COL23A1: variants seen among roughly 807,000 people sequenced by gnomAD.
COL23A1 encodes collagen alpha-1(XXIII) chain.
Under a neutral mutation model 99.3 loss-of-function variants are expected in COL23A1, and 97 were observed. The ratio of observed to expected loss-of-function variants is 0.98; its 90% CI spans 0.83 to 1.16. The LOEUF is 1.16. Among genes scored for constraint, COL23A1 ranks in the 50% most tolerant of loss-of-function variants. The pLI is 0.00. For missense variants in COL23A1, 762 were observed against 757.4 expected (o/e 1.01, Z -0.07); for synonymous variants, 320 against 308.2 (o/e 1.04, Z -0.40).
chr5:178,261,843 A>G, intron 10 of COL23A1, 95 bp from the exon 11 acceptor site: 2 of 1,081,586 alleles, frequency 1.8e-6, no homozygotes, highest in Non-Finnish European at 2.8e-6. Flanking sequence ...AGGTGACACC[A>G]ATCCCAGAGA....
chr5:178,346,179 T>C (rs889211925), intron 2 of COL23A1, among the ~76,000 whole-genome samples: 1 of 152,138 alleles, frequency 6.6e-6, no homozygotes, highest in Admixed American at 6.5e-5. Context: ...AAAGAAAAGC[T>C]ATGGGTTTAA....
intron 16 of COL23A1, among the ~76,000 whole-genome samples, chr5:178,253,062 T>A (rs11740467): frequency 6.6e-6 from 1 of 152,132 alleles, no homozygotes; most frequent in Non-Finnish European, 1.5e-5. Flanking sequence ...CTGCTGGGCC[T>A]AGGGAGTTCC....
chr5:178,269,497 A>G (rs1224298859), intron 6 of COL23A1, among the ~76,000 whole-genome samples: 36 of 102,288 alleles, frequency 3.5e-4, no homozygotes, highest in African/African-American at 1.4e-3. Context: ...CCACCCATCC[A>G]CCCATCCACC....
At chr5:178,327,739 C>T (rs910788491) in intron 2 of COL23A1, among the ~76,000 whole-genome samples, 3 of 152,120 alleles carry the variant, frequency 2.0e-5, no homozygotes, top group African/African-American at 7.2e-5. Flanking sequence ...ATGTGGCCCT[C>T]AGGACAGCAC....
At position 178,360,472 on chromosome 5, in the gene COL23A1, TG is replaced by T. The variant is rs548036824; in HGVS notation, c.362-53554del. On this transcript the variant is annotated intron_variant, in intron 2 of 28. Coordinates refer to ENST00000390654, the MANE Select transcript of COL23A1 (RefSeq NM_173465.4). Reference sequence around the variant, plus strand: ...CTGGGGAGCCAGGCTGGGCCTCATGTGGGGGGGGATGGAGGGCTGCAGTCGT... The same window carrying T: ...CTGGGGAGCCAGGCTGGGCCTCATGTGGGGGGGATGGAGGGCTGCAGTCGT... Among the ~76,000 whole-genome samples, 457 of 150,956 alleles carry T rather than the reference TG, an allele frequency of 3.0e-3. 2 individuals carry two copies. Among genetic ancestry groups the T allele is most frequent in the African/African-American group, 0.011 (431 of 40,852 alleles).
Position 178,316,063 on chromosome 5 carries a change from TAG to T in COL23A1, c.362-9146_362-9145del, listed in dbSNP as rs377056720. ...CTTCTGAAGCTGTGTGAAGAAAAGTTAGAGAGGTATTTGTTTAAGCAGTTTAA... is the reference window on the plus strand; with the variant it reads ...CTTCTGAAGCTGTGTGAAGAAAAGTTAGAGGTATTTGTTTAAGCAGTTTAA... On this transcript the variant is annotated intron_variant, in intron 2 of 28. Transcript: ENST00000390654. Among the ~76,000 whole-genome samples, 503 of 152,310 alleles carry T rather than the reference TAG, an allele frequency of 3.3e-3. 3 individuals carry two copies. Among genetic ancestry groups the T allele is most frequent in the African/African-American group, 0.011 (471 of 41,564 alleles).
chr5:178,293,913 C>T (rs917570763), intron 3 of COL23A1, among the ~76,000 whole-genome samples: 1 of 152,008 alleles, frequency 6.6e-6, no homozygotes, highest in Non-Finnish European at 1.5e-5. Flanking sequence ...GAGGAGGCCA[C>T]GGAGTCCAGA....
chr5:178,319,243 A>ATTCC (rs2127623416), intron 2 of COL23A1, among the ~76,000 whole-genome samples: 1 of 152,292 alleles, frequency 6.6e-6, no homozygotes, highest in African/African-American at 2.4e-5. Context: ...TCCTGTTGGA[A>ATTCC]AACAGGCTCC....
chr5:178,244,290 G>A (rs996354246), intron 25 of COL23A1, among the ~76,000 whole-genome samples: 1 of 152,024 alleles, frequency 6.6e-6, no homozygotes, highest in Non-Finnish European at 1.5e-5. Flanking sequence ...TGCCTGGCCG[G>A]TAATGTTCTC....
intron 2 of COL23A1, among the ~76,000 whole-genome samples, chr5:178,485,712 G>A (rs1003999173): frequency 5.4e-5 from 8 of 149,528 alleles, no homozygotes; most frequent in African/African-American, 2.0e-4. Flanking sequence ...AATCTGGGAG[G>A]TGGAGGTTGC....
rs1404344251 is a variant in COL23A1 at position 178,415,870 on chromosome 5, G to C, written c.362-108951C>G. On this transcript the variant is annotated intron_variant, in intron 2 of 28. Transcript: ENST00000390654. This position sits in a 1 kb window ranked among gnomAD's most constrained non-coding sequence, Gnocchi z 4.6. ...GGCAGGATAAGGGAGAGGAGGTACT[G>C]GGTGAGGCCAGGGAGGGCTTCCGAG... Among the ~76,000 whole-genome samples the C allele has an allele frequency of 6.6e-6, 1 of 152,172 alleles. No individual in the cohort carries two copies. Among genetic ancestry groups the C allele is most frequent in the African/African-American group, 2.4e-5 (1 of 41,438 alleles).
At chr5:178,378,072 G>A (rs1468514508) in intron 2 of COL23A1, 1 of 152,388 alleles carries the variant, frequency 6.6e-6, no homozygotes, top group Non-Finnish European at 1.5e-5. Flanking sequence ...CCTCCCAGGA[G>A]AAGGGGACCA....
chr5:178,258,974 T>G (rs1356359309), intron 12 of COL23A1, among the ~76,000 whole-genome samples: 6 of 148,944 alleles, frequency 4.0e-5, no homozygotes, highest in African/African-American at 1.5e-4. Flanking sequence ...TGGAGTGCAG[T>G]GGCGCAATCT....
chr5:178,372,902 TTCTTTTTCTTTCTTTC>T (rs910201854), intron 2 of COL23A1, among the ~76,000 whole-genome samples: 3 of 123,194 alleles, frequency 2.4e-5, no homozygotes, highest in African/African-American at 7.4e-5. Context: ...TCTCTTTCTT[TTCTTTTTCTTTCTTTC>T]TCTTTTTCTT....
chr5:178,247,842 TGA>T lies in COL23A1; in HGVS notation c.1213-13_1213-12del, dbSNP rs751818803. The T allele has an allele frequency of 1.2e-6, 2 of 1,609,450 alleles. No homozygotes were observed. The highest frequency in any genetic ancestry group is 1.7e-6 in the Non-Finnish European group (2 of 1,178,014). ...CACTATGAGCTGAGCCTAGGGAGGGTGAGAGACAGGTTAGTCACCCACCGCCT... is the reference window on the plus strand; with the variant it reads ...CACTATGAGCTGAGCCTAGGGAGGGTGAGACAGGTTAGTCACCCACCGCCT... On this transcript the variant is annotated splice_polypyrimidine_tract_variant and intron_variant, in intron 20 of 28. Transcript: ENST00000390654.
rs1226107895 is a variant in COL23A1 at position 178,460,324 on chromosome 5, A to G, written c.361+100358T>C. Among the ~76,000 whole-genome samples, 5 of 152,038 alleles carry G rather than the reference A, an allele frequency of 3.3e-5. No individual in the cohort carries two copies. The South Asian group carries it at 8.3e-4, about 25-fold the overall frequency. ...CAAGGGGAAAATAACCACAAAGAAA[A>G]AAGCCCTTGGCAAAGATGAGCATGG... On this transcript the variant is annotated intron_variant, in intron 2 of 28. Transcript: ENST00000390654.
At chr5:178,358,416 T>C (rs1216953782) in intron 2 of COL23A1, among the ~76,000 whole-genome samples, 1 of 119,020 alleles carries the variant, frequency 8.4e-6, no homozygotes, top group African/African-American at 3.1e-5. Context: ...TGTGTATGTG[T>C]ATGTGTGTGT....
chr5:178,267,298 G>T lies in COL23A1; in HGVS notation c.522+9C>A, dbSNP rs1449359519. 1.2e-6 allele frequency: 2 copies of T among 1,613,856 alleles called. No individual in the cohort carries two copies. Among genetic ancestry groups the T allele is most frequent in the African/African-American group, 1.3e-5 (1 of 74,914 alleles). ...GTGGGCAGTGAGGGAGGTCATGCCT[G>T]GTTCTTACCCGGGGGCCAAAGTCTC... On this transcript the variant is annotated intron_variant, in intron 8 of 28. Transcript: ENST00000390654.
intron 27 of COL23A1, among the ~76,000 whole-genome samples, chr5:178,240,871 C>G (rs1764359243): frequency 6.6e-6 from 1 of 152,170 alleles, no homozygotes; most frequent in Admixed American, 6.5e-5. Flanking sequence ...GTACGAAAAC[C>G]CAGCTGTTCT....
Sources: allele counts gnomAD v4.1 joint callset (sites outside exome capture counted in the v4.1 genomes callset), GRCh38; gene constraint gnomAD v4.1.1; non-coding constraint Gnocchi (gnomAD v3.1); transcripts MANE v1.5; gene names NCBI Gene and HGNC (gene_info 2026-07-23, HGNC 2026-07-21).